The following CFAP53 variants were observed in gnomAD, a reference collection of about 807,000 sequenced individuals.
CFAP53 encodes the protein cilia and flagella associated protein 53, also known as cilia- and flagella-associated protein 53.
A neutral mutation model predicts 59.7 loss-of-function variants in CFAP53; 62 were observed. The ratio of observed to expected loss-of-function variants is 1.04; its 90% CI spans 0.85 to 1.28. The LOEUF (loss-of-function observed/expected upper bound fraction) is 1.28, where lower values mean the gene tolerates loss of function less well. CFAP53 is among the 50% of genes most tolerant of loss of function. The pLI, the probability that CFAP53 is intolerant of heterozygous loss-of-function variation, is 0.00. For missense variants in CFAP53, 629 were observed against 615.6 expected, an observed-to-expected ratio of 1.02 and a Z score of -0.23; for synonymous variants, 218 against 205.7, an observed-to-expected ratio of 1.06 and a Z score of -0.51.
rs761732766 is a variant in CFAP53, at chr18:50,254,233, T to TA, written c.474-2450dup. 2.3e-3 allele frequency among the ~76,000 whole-genome samples: 271 copies of TA among 118,430 alleles called. 2 individuals carry two copies. Among genetic ancestry groups the TA allele is most frequent in the East Asian group, 5.3e-3 (22 of 4,190 alleles). 77.7% of individuals were successfully genotyped at this position (118,430 alleles called of 152,430 possible). Reference sequence around the variant, plus strand: ...TAAAGAATCCTTAAAACTTAACAGCTAAAAAAAAAAAAAGGCAAAAACTTA... The same window carrying TA: ...TAAAGAATCCTTAAAACTTAACAGCTAAAAAAAAAAAAAAGGCAAAAACTTA... On this transcript the variant is annotated intron_variant, in intron 3 of 7. Transcript: ENST00000398545.
intron 3 of CFAP53, 138 bp downstream of exon 3, chr18:50,260,926 T>C (rs2033886086): frequency 8.2e-6 from 6 of 734,318 alleles, no homozygotes; most frequent in Admixed American, 3.1e-5. Context: ...TTCAATGATA[T>C]GTAATATATT....
chr18:50,252,266 G>T (rs1158651516), intron 3 of CFAP53, among the ~76,000 whole-genome samples: 1 of 152,030 alleles, frequency 6.6e-6, no homozygotes, highest in Non-Finnish European at 1.5e-5. Context: ...ACCACGCCTG[G>T]CTAATTTTTT....
In CFAP53 at chr18:50,262,105, A is replaced by T; in HGVS notation, c.184T>A (p.Leu62Met). ...ASIKSSERDRLKAEWDQHNDC... is the reference protein window; with the variant it reads ...ASIKSSERDRMKAEWDQHNDC... ...TTGTGCTGGTCCCACTCAGCTTTCA[A>T]GCGATCCCGCTCACTTGACTTAATG... The change falls in exon 2 of 8, where the codon TTG (leucine) becomes ATG (methionine). Residue 62 changes from leucine to methionine, a missense_variant. Coordinates refer to ENST00000398545, the MANE Select transcript of CFAP53 (RefSeq NM_145020.5). 2.5e-6 allele frequency: 4 copies of T among 1,614,190 alleles called. No individual in the cohort carries two copies. The highest frequency in any genetic ancestry group is 3.4e-6 in the Non-Finnish European group (4 of 1,180,030).
intron 5 of CFAP53, among the ~76,000 whole-genome samples, chr18:50,244,105 GCTA>G (rs2033719990): frequency 6.6e-6 from 1 of 152,156 alleles, no homozygotes; most frequent in Non-Finnish European, 1.5e-5. Flanking sequence ...TTTTTAGTTG[GCTA>G]CTGCCATGTT....
chr18:50,237,218 T>C (rs142548417), intron 7 of CFAP53, among the ~76,000 whole-genome samples: 78 of 141,526 alleles, frequency 5.5e-4, no homozygotes, highest in African/African-American at 2.1e-3. Context: ...AGGCAGAGAA[T>C]TGCTTGAACC....
intron 7 of CFAP53, among the ~76,000 whole-genome samples, chr18:50,229,213 T>C (rs2033556226): frequency 6.6e-6 from 1 of 152,232 alleles, no homozygotes. Flanking sequence ...GACTTCTTCA[T>C]CTTGCAAATC....
At chr18:50,249,965 G>A (rs546857686) in intron 5 of CFAP53, among the ~76,000 whole-genome samples, 15 of 152,248 alleles carry the variant, frequency 9.9e-5, no homozygotes, top group African/African-American at 3.6e-4. Context: ...GTTCACACCT[G>A]TAATCCCAGC....
chr18:50,237,370 A>ACG lies in CFAP53; in HGVS notation c.1316+1232_1316+1233insCG, dbSNP rs1288627067. Among the ~76,000 whole-genome samples the ACG allele has an allele frequency of 3.6e-5, 4 of 110,298 alleles. 1 individual carries two copies. Among genetic ancestry groups the ACG allele is most frequent in the South Asian group, 3.6e-4 (1 of 2,814 alleles). 72.4% of individuals were successfully genotyped at this position (110,298 alleles called of 152,430 possible). A position where few individuals can be genotyped will look rare whatever the true frequency, so the allele number is the denominator to read the frequency against. ...TATATATACGCACACATATATATAC[A>ACG]CACACACACACACATACACACACAC... On this transcript the variant is annotated intron_variant, in intron 7 of 7. Transcript: ENST00000398545.
At chr18:50,253,746 G>T (rs1285108686) in intron 3 of CFAP53, among the ~76,000 whole-genome samples, 1 of 152,166 alleles carries the variant, frequency 6.6e-6, no homozygotes, top group Non-Finnish European at 1.5e-5. Context: ...ATATGTGGTA[G>T]AACTGGGACT....
intron 2 of CFAP53, 148 bp from the exon 3 acceptor site, chr18:50,261,385 T>TTTTTGC: frequency 2.6e-6 from 2 of 762,282 alleles, no homozygotes. Flanking sequence ...TTGGTTTGTT[T>TTTTTGC]TTTTGTTTTT....
At chr18:50,234,918 A>G (rs1045226700) in intron 7 of CFAP53, among the ~76,000 whole-genome samples, 1 of 152,248 alleles carries the variant, frequency 6.6e-6, no homozygotes, top group Non-Finnish European at 1.5e-5. Flanking sequence ...TGAGTGCAGC[A>G]TTTGTAATAT....
intron 1 of CFAP53, among the ~76,000 whole-genome samples, chr18:50,265,532 T>C (rs755384367): frequency 6.6e-6 from 1 of 152,162 alleles, no homozygotes; most frequent in Non-Finnish European, 1.5e-5. Flanking sequence ...GGCTCAGGCT[T>C]CAATAAAGAG....
chr18:50,260,970 C>T, intron 3 of CFAP53, 94 bp downstream of exon 3: 1 of 1,259,586 alleles, frequency 7.9e-7, no homozygotes, highest in Non-Finnish European at 1.1e-6. Context: ...CTCTGTATAT[C>T]CTCTTAAGAC....
intron 5 of CFAP53, among the ~76,000 whole-genome samples, chr18:50,243,334 G>A (rs1599120157): frequency 6.6e-6 from 1 of 152,170 alleles, no homozygotes; most frequent in African/African-American, 2.4e-5. Context: ...ATCAGTTGAT[G>A]GTTGTTAAAG....
In CFAP53 at chr18:50,266,248, G is replaced by A. The variant is rs532794954; in HGVS notation, c.69+88C>T. The A allele has an allele frequency of 8.5e-5, 109 of 1,279,060 alleles. 1 individual carries two copies. In the East Asian group the frequency reaches 9.8e-4, roughly 11 times the overall value. The allele number at this position is 1,279,060 out of a possible 1,614,324, so 79.2% of individuals were successfully genotyped here. A position where few individuals can be genotyped will look rare whatever the true frequency, so the allele number is the denominator to read the frequency against. ...CACCCGTTCCCCTCGAGAAGGCCCCGGGTGGGGGCCGAAGTGGGATAGGCC... is the reference window on the plus strand; with the variant it reads ...CACCCGTTCCCCTCGAGAAGGCCCCAGGTGGGGGCCGAAGTGGGATAGGCC... On this transcript the variant is annotated intron_variant, in intron 1 of 7. Coordinates refer to ENST00000398545, the MANE Select transcript of CFAP53 (RefSeq NM_145020.5).
chr18:50,237,321 AAAAAAAAAATATAT>A (rs1325662785), intron 7 of CFAP53, among the ~76,000 whole-genome samples: 1 of 15,260 alleles, frequency 6.6e-5, no homozygotes, highest in African/African-American at 1.2e-4. Flanking sequence ...AAAAAAAAAA[AAAAAAAAAATATAT>A]ATATATATAT....
chr18:50,242,970 A>G lies in CFAP53; in HGVS notation c.1143T>C (p.Leu381=). ...KLAEKDKELR[L]EKEARRQLVD... is the part of the protein sequence containing the mutation. The stretch of plus-strand genomic sequence containing the variant: ...CAAGCTGTCTCCTTGCCTCCTTTTC[A>G]AGTCTCAGCTCCTTGTCCTTCTCAG... The change falls in exon 6 of 8, where the codon CTT becomes CTC. Residue 381 remains leucine, a synonymous_variant. Transcript: ENST00000398545. 6.2e-7 allele frequency: 1 copy of G among 1,613,982 alleles called. No individual in the cohort carries two copies. Among genetic ancestry groups the G allele is most frequent in the Non-Finnish European group, 8.5e-7 (1 of 1,180,010 alleles).
chr18:50,266,270 G>A (rs985465085), intron 1 of CFAP53, 66 bp downstream of exon 1: 1 of 1,518,798 alleles, frequency 6.6e-7, no homozygotes, highest in African/African-American at 1.4e-5. Context: ...AAGTGGGATA[G>A]GCCAGGCCTG....
At chr18:50,241,822 T>C (rs541287100) in intron 6 of CFAP53, among the ~76,000 whole-genome samples, 4 of 152,122 alleles carry the variant, frequency 2.6e-5, no homozygotes, top group East Asian at 3.9e-4. Context: ...TGTGCACGCA[T>C]TGTCTTGATA....
Sources: gnomAD v4.1 joint callset for allele counts (sites outside exome capture counted in the v4.1 genomes callset) on GRCh38, gnomAD v4.1.1 for gene constraint, MANE v1.5 for transcripts, NCBI Gene and HGNC (gene_info 2026-07-23, HGNC 2026-07-21) for gene names.